The following HIVEP3 variants were observed in gnomAD, a reference collection of about 807,000 sequenced individuals.
HIVEP3 encodes the protein transcription factor HIVEP3.
A neutral mutation model predicts 152.8 loss-of-function variants in HIVEP3; 49 were observed. That is an observed-to-expected ratio of 0.32 (90% CI 0.26 to 0.41). HIVEP3 has a LOEUF of 0.41. Among genes scored for constraint, HIVEP3 ranks in the 10% least tolerant of loss-of-function variants. The pLI, the probability that HIVEP3 is intolerant of heterozygous loss-of-function variation, is 1.00. For missense variants in HIVEP3, 2,790 were observed against 3,103.3 expected (o/e 0.90, Z 2.40); for synonymous variants, 1,269 against 1,289.0 (o/e 0.98, Z 0.33).
At chr1:41,914,150 T>C (rs1644837258) in intron 1 of HIVEP3, among the ~76,000 whole-genome samples, 1 of 152,174 alleles carries the variant, frequency 6.6e-6, no homozygotes, top group South Asian at 2.1e-4. Flanking sequence ...ACCACTTCCA[T>C]TGTTGTCCTG....
chr1:41,717,012 G>A (rs148729785), intron 1 of HIVEP3, among the ~76,000 whole-genome samples: 223 of 152,294 alleles, frequency 1.5e-3, no homozygotes, highest in Admixed American at 3.3e-3. Context: ...CCCAGGCCTC[G>A]GCCTGGCAGT....
intron 1 of HIVEP3, among the ~76,000 whole-genome samples, chr1:41,710,064 C>T (rs1208279712): frequency 1.3e-5 from 2 of 152,070 alleles, no homozygotes; most frequent in Non-Finnish European, 2.9e-5. Context: ...ACCCTAATGC[C>T]CGAAGAGAGC....
At chr1:41,760,338 C>T (rs752252678) in intron 1 of HIVEP3, among the ~76,000 whole-genome samples, 2 of 152,188 alleles carry the variant, frequency 1.3e-5, no homozygotes, top group Non-Finnish European at 2.9e-5. Flanking sequence ...GACTGGTGCT[C>T]ACATTTTCAG....
intron 1 of HIVEP3, among the ~76,000 whole-genome samples, chr1:41,860,562 T>C (rs1036955067): frequency 1.6e-4 from 25 of 152,254 alleles, no homozygotes; most frequent in Non-Finnish European, 3.2e-4. Flanking sequence ...AGCAGACACC[T>C]GGAGCCAGAT....
intron 1 of HIVEP3, among the ~76,000 whole-genome samples, chr1:41,869,352 A>C (rs780614920): frequency 6.6e-6 from 1 of 152,190 alleles, no homozygotes; most frequent in Non-Finnish European, 1.5e-5. Flanking sequence ...ACTAAAGGTG[A>C]CTGCCTTCCT....
intron 1 of HIVEP3, among the ~76,000 whole-genome samples, chr1:41,798,576 A>G (rs1650116015): frequency 6.6e-6 from 1 of 152,228 alleles, no homozygotes; most frequent in Non-Finnish European, 1.5e-5. Context: ...CTTTTCTCCA[A>G]AAATAATTTT....
intron 3 of HIVEP3, among the ~76,000 whole-genome samples, chr1:41,616,800 C>A (rs1366619494): frequency 6.6e-6 from 1 of 152,116 alleles, no homozygotes; most frequent in East Asian, 1.9e-4. Flanking sequence ...CATTCCTCAG[C>A]ACTCGGCCTT....
chr1:41,648,334 C>A (rs1645493026), intron 2 of HIVEP3, among the ~76,000 whole-genome samples: 1 of 149,082 alleles, frequency 6.7e-6, no homozygotes, highest in South Asian at 2.1e-4. Flanking sequence ...TGCATCGGCA[C>A]ATTTCATCCC....
chr1:41,859,980 CA>C, intron 1 of HIVEP3, among the ~76,000 whole-genome samples: 1 of 152,204 alleles, frequency 6.6e-6, no homozygotes, highest in East Asian at 1.9e-4. Context: ...GCCTTGTGGA[CA>C]GCAGAACTGG....
chr1:41,634,629 CT>C (rs1374712162), intron 2 of HIVEP3, among the ~76,000 whole-genome samples: 1 of 151,766 alleles, frequency 6.6e-6, no homozygotes, highest in African/African-American at 2.4e-5. Flanking sequence ...TTAAAACAAA[CT>C]GACAAAAAAG....
At chr1:41,972,421 G>A (rs1029933274) in intron 1 of HIVEP3, among the ~76,000 whole-genome samples, 3 of 152,218 alleles carry the variant, frequency 2.0e-5, no homozygotes, top group African/African-American at 7.2e-5. Flanking sequence ...TAGAGGCAAG[G>A]CAGTGGGCCA....
At chr1:41,759,774 A>C (rs1046124156) in intron 1 of HIVEP3, among the ~76,000 whole-genome samples, 2 of 152,110 alleles carry the variant, frequency 1.3e-5, no homozygotes, top group Non-Finnish European at 2.9e-5. Context: ...TGATTCTACA[A>C]GCTGTGACAC....
At position 41,580,677 on chromosome 1, in the gene HIVEP3, T is replaced by C. The variant is rs1644389600; in HGVS notation, c.4121A>G (p.His1374Arg). ...KGTTVCGADV[H>R]EVGPGPSGLS... ...CCCAGAAGGGCCGGGCCCAACCTCA[T>C]GCACATCTGCACCACATACAGTCGT... Residue 1374 changes from histidine to arginine, a missense_variant, in exon 4 of 9, where the codon CAT (histidine) becomes CGT (arginine). This residue lies in a region of HIVEP3 where 1,078 missense variants were observed against 1,165.3 expected (regional missense o/e 0.93). Coordinates refer to ENST00000372583, the MANE Select transcript of HIVEP3 (RefSeq NM_024503.5). 1 of 1,612,226 alleles carries C rather than the reference T, an allele frequency of 6.2e-7. No homozygotes were observed. Among genetic ancestry groups the C allele is most frequent in the Non-Finnish European group, 8.5e-7 (1 of 1,179,022 alleles).
At chr1:41,890,980 C>A (rs1244735059) in intron 1 of HIVEP3, among the ~76,000 whole-genome samples, 1 of 152,214 alleles carries the variant, frequency 6.6e-6, no homozygotes, top group South Asian at 2.1e-4. Flanking sequence ...GCTTCCACCA[C>A]ACGGGAGCCC....
intron 1 of HIVEP3, among the ~76,000 whole-genome samples, chr1:41,710,930 G>A (rs180764845): frequency 2.6e-5 from 4 of 152,334 alleles, no homozygotes; most frequent in Admixed American, 6.5e-5. Flanking sequence ...AGTCACCATC[G>A]CTACTCTCAC....
intron 5 of HIVEP3, among the ~76,000 whole-genome samples, chr1:41,555,041 G>A (rs1323529597): frequency 6.6e-6 from 1 of 152,220 alleles, no homozygotes; most frequent in African/African-American, 2.4e-5. Context: ...GTCAGACAGG[G>A]ACGCTTAAGT....
At chr1:41,528,369 A>C (rs1569757362) in intron 5 of HIVEP3, among the ~76,000 whole-genome samples, 1 of 103,114 alleles carries the variant, frequency 9.7e-6, no homozygotes, top group South Asian at 3.6e-4. Context: ...CCGCCCTTAC[A>C]CTCACCTTCA....
intron 1 of HIVEP3, among the ~76,000 whole-genome samples, chr1:41,988,271 G>A (rs1362708057): frequency 6.6e-6 from 1 of 152,012 alleles, no homozygotes; most frequent in Non-Finnish European, 1.5e-5. Context: ...CACAGCAAAG[G>A]AAATAATCAG....
chr1:41,656,074 C>T (rs188352484), intron 2 of HIVEP3, among the ~76,000 whole-genome samples: 2 of 152,186 alleles, frequency 1.3e-5, no homozygotes, highest in East Asian at 1.9e-4. Flanking sequence ...ATGTCATGAA[C>T]GTTTCTTTGC....
Sources: allele counts gnomAD v4.1 joint callset (sites outside exome capture counted in the v4.1 genomes callset), GRCh38; gene constraint gnomAD v4.1.1; regional missense constraint gnomAD v4.1.1; transcripts MANE v1.5; gene names NCBI Gene and HGNC (gene_info 2026-07-23, HGNC 2026-07-21).